GPAT3: variants seen among roughly 807,000 people sequenced by gnomAD.
GPAT3 encodes the protein glycerol-3-phosphate acyltransferase 3.
GPAT3 carries 53 observed loss-of-function variants against 58.8 expected under a neutral mutation model. That is an observed-to-expected ratio of 0.90 (90% CI 0.72 to 1.13). The LOEUF (loss-of-function observed/expected upper bound fraction) is 1.13, where lower values mean the gene tolerates loss of function less well. Among genes scored for constraint, GPAT3 ranks in the 50% most tolerant of loss-of-function variants. GPAT3 has a pLI of 0.00. For missense variants in GPAT3, 511 were observed against 527.6 expected, an observed-to-expected ratio of 0.97 and a Z score of 0.31; for synonymous variants, 197 against 187.4, an observed-to-expected ratio of 1.05 and a Z score of -0.42.
intron 2 of GPAT3, among the ~76,000 whole-genome samples, chr4:83,571,707 CATATATAT>C (rs377150867): frequency 0.18 from 27,624 of 150,600 alleles, 3,141 homozygotes; most frequent in East Asian, 0.31. Context: ...TACACACACA[CATATATAT>C]ACACACACAT....
intron 11 of GPAT3, among the ~76,000 whole-genome samples, chr4:83,601,998 A>G (rs890595752): frequency 6.6e-6 from 1 of 152,186 alleles, no homozygotes; most frequent in East Asian, 1.9e-4. Flanking sequence ...AAGACTAAAC[A>G]TTTGTATTAC....
chr4:83,563,717 G>T (rs746631688), intron 2 of GPAT3, among the ~76,000 whole-genome samples: 6 of 151,880 alleles, frequency 4.0e-5, no homozygotes, highest in Non-Finnish European at 8.8e-5. Flanking sequence ...CTGACTTCAG[G>T]TGACCCACCC....
chr4:83,604,858 T>C lies in GPAT3; in HGVS notation c.*91T>C. Reference sequence around the variant, plus strand: ...GTTTTGTTTTATTGTTTTGTTTTTATTATTGTTAATCTTTTCTACAGAATG... The same window carrying C: ...GTTTTGTTTTATTGTTTTGTTTTTACTATTGTTAATCTTTTCTACAGAATG... On this transcript the variant is annotated 3_prime_UTR_variant, in exon 12 of 12. Transcript: ENST00000264409. The C allele has an allele frequency of 9.5e-7, 1 of 1,053,388 alleles. No homozygotes were observed. Among genetic ancestry groups the C allele is most frequent in the African/African-American group, 1.6e-5 (1 of 62,004 alleles). The allele number at this position is 1,053,388 out of a possible 1,614,324, so 65.3% of individuals were successfully genotyped here.
chr4:83,544,919 T>C (rs898222419), intron 2 of GPAT3, among the ~76,000 whole-genome samples: 1 of 151,896 alleles, frequency 6.6e-6, no homozygotes, highest in Non-Finnish European at 1.5e-5. Context: ...AGAAAAAGGC[T>C]AATGGGAGTT....
chr4:83,540,401 T>G (rs991294933), intron 1 of GPAT3, among the ~76,000 whole-genome samples: 3 of 152,216 alleles, frequency 2.0e-5, no homozygotes, highest in Non-Finnish European at 4.4e-5. Flanking sequence ...AGATATGTTC[T>G]GAGATACCCC....
chr4:83,561,521 A>G (rs1051093584), intron 2 of GPAT3, among the ~76,000 whole-genome samples: 2 of 152,090 alleles, frequency 1.3e-5, no homozygotes, highest in African/African-American at 2.4e-5. Flanking sequence ...TCAGTGACTC[A>G]TTGTCCAAAT....
chr4:83,564,962 C>A (rs1023974112), intron 2 of GPAT3, among the ~76,000 whole-genome samples: 5 of 150,790 alleles, frequency 3.3e-5, no homozygotes, highest in African/African-American at 1.2e-4. Flanking sequence ...ATGTTAAAAT[C>A]TTTGATTCAT....
intron 2 of GPAT3, among the ~76,000 whole-genome samples, chr4:83,580,347 T>C (rs1443462442): frequency 1.3e-5 from 2 of 152,258 alleles, no homozygotes; most frequent in Non-Finnish European, 2.9e-5. Context: ...ACTATAGTTT[T>C]AGATTCCGTC....
chr4:83,582,483 A>T (rs1726181216), intron 3 of GPAT3, among the ~76,000 whole-genome samples: 1 of 152,182 alleles, frequency 6.6e-6, no homozygotes, highest in Admixed American at 6.5e-5. Flanking sequence ...GCGTGGTGGG[A>T]TGAAGCTGTA....
chr4:83,600,818 A>C (rs1319508544), intron 11 of GPAT3, among the ~76,000 whole-genome samples: 1 of 152,064 alleles, frequency 6.6e-6, no homozygotes, highest in Non-Finnish European at 1.5e-5. Flanking sequence ...TTGGATTCTT[A>C]TTTACATACA....
At chr4:83,569,929 TA>T (rs1014018202) in intron 2 of GPAT3, among the ~76,000 whole-genome samples, 1 of 152,152 alleles carries the variant, frequency 6.6e-6, no homozygotes, top group African/African-American at 2.4e-5. Context: ...TAATGTTAGA[TA>T]GGGGCCATAT....
intron 2 of GPAT3, among the ~76,000 whole-genome samples, chr4:83,568,013 T>A (rs1560614587): frequency 6.6e-6 from 1 of 152,204 alleles, no homozygotes; most frequent in East Asian, 1.9e-4. Context: ...TTCTTTCTTA[T>A]GATTTTTATG....
intron 2 of GPAT3, among the ~76,000 whole-genome samples, chr4:83,558,342 T>C (rs990689892): frequency 6.6e-6 from 1 of 151,882 alleles, no homozygotes; most frequent in Non-Finnish European, 1.5e-5. Context: ...CTGGGTTACG[T>C]GATAAAGGTG....
chr4:83,585,553 A>G (rs1474645099), intron 3 of GPAT3, among the ~76,000 whole-genome samples: 2 of 151,960 alleles, frequency 1.3e-5, no homozygotes, highest in African/African-American at 4.8e-5. Flanking sequence ...CTGCATGTTC[A>G]GATGTGTTAT....
intron 2 of GPAT3, among the ~76,000 whole-genome samples, chr4:83,562,220 TATATAATATATATATA>T (rs1560611160): frequency 4.1e-5 from 3 of 73,838 alleles, no homozygotes; most frequent in Middle Eastern, 5.7e-3. Flanking sequence ...ATTATATATA[TATATAATATATATATA>T]ATATATATAT....
At chr4:83,579,835 C>T (rs1225629720) in intron 2 of GPAT3, among the ~76,000 whole-genome samples, 5 of 152,054 alleles carry the variant, frequency 3.3e-5, no homozygotes, top group Admixed American at 6.6e-5. Flanking sequence ...TTAGTCCTTC[C>T]GAAAACTGAA....
Position 83,545,257 on chromosome 4 carries a change from A to G in GPAT3, c.208+655A>G, listed in dbSNP as rs969104031. 7.9e-5 allele frequency among the ~76,000 whole-genome samples: 12 copies of G among 152,298 alleles called. 1 individual carries two copies. The highest frequency in any genetic ancestry group is 2.4e-4 in the African/African-American group (10 of 41,568). On this transcript the variant is annotated intron_variant, in intron 2 of 11. Coordinates refer to ENST00000264409, the MANE Select transcript of GPAT3 (RefSeq NM_032717.5). Reference sequence around the variant, plus strand: ...GGAGTTCAAGACCAGCCTGGGCAACATGGCGAAACCCTGTCTCTACAAAAA... The same window carrying G: ...GGAGTTCAAGACCAGCCTGGGCAACGTGGCGAAACCCTGTCTCTACAAAAA...
chr4:83,566,721 T>C (rs973927591), intron 2 of GPAT3, among the ~76,000 whole-genome samples: 4 of 151,624 alleles, frequency 2.6e-5, no homozygotes, highest in African/African-American at 9.7e-5. Flanking sequence ...TGTTGGGTCT[T>C]ACTTTCTGAG....
At chr4:83,547,439 A>C (rs1343180093) in intron 2 of GPAT3, among the ~76,000 whole-genome samples, 2 of 151,574 alleles carry the variant, frequency 1.3e-5, no homozygotes, top group African/African-American at 2.4e-5. Flanking sequence ...TTTTTAGTAG[A>C]GACGGGGTTT....
Sources: gnomAD v4.1 joint callset for allele counts (sites outside exome capture counted in the v4.1 genomes callset) on GRCh38, gnomAD v4.1.1 for gene constraint, MANE v1.5 for transcripts, NCBI Gene and HGNC (gene_info 2026-07-23, HGNC 2026-07-21) for gene names.